The following DMTN variants were observed in gnomAD, a reference collection of about 807,000 sequenced individuals.
DMTN encodes dematin actin binding protein.
In DMTN, 27 loss-of-function variants were observed where a neutral mutation model predicts 59.4. That is an observed-to-expected ratio of 0.45 (90% CI 0.33 to 0.63). The LOEUF is 0.63. Among genes scored for constraint, DMTN ranks in the 20% least tolerant of loss-of-function variants. DMTN has a pLI of 0.02. For missense variants in DMTN, 451 were observed against 528.9 expected (o/e 0.85, Z 1.45); for synonymous variants, 221 against 203.7 (o/e 1.08, Z -0.72).
chr8:22,080,491 G>A (rs1211977659), intron 12 of DMTN, 31 bp downstream of exon 12: 1 of 1,614,240 alleles, frequency 6.2e-7, no homozygotes, highest in Non-Finnish European at 8.5e-7. Flanking sequence ...CCGGGGTCTG[G>A]AGAAGGGGCT....
chr8:22,065,286 G>T lies in DMTN; in HGVS notation c.-171-1419G>T, dbSNP rs141125784. Among the ~76,000 whole-genome samples, 4 of 152,236 alleles carry T rather than the reference G, an allele frequency of 2.6e-5. No individual in the cohort carries two copies. The East Asian group carries it at 7.7e-4, about 29-fold the overall frequency. ...TGACCTCAAGCCATCCTCTCTCCTT[G>T]GCCTCCCACATAGCTCTTATTGTTG... On this transcript the variant is annotated intron_variant, in intron 1 of 15. Coordinates refer to ENST00000358242, the MANE Select transcript of DMTN (RefSeq NM_001387751.1).
At position 22,075,516 on chromosome 8, in the gene DMTN, A is replaced by ATTTTTTTT. The variant is rs386412281; in HGVS notation, c.835+1697_835+1704dup. Among the ~76,000 whole-genome samples, 156 of 87,718 alleles carry ATTTTTTTT rather than the reference A, an allele frequency of 1.8e-3. 6 individuals carry two copies. The highest frequency in any genetic ancestry group is 3.6e-3 in the South Asian group (8 of 2,214). The allele number at this position is 87,718 out of a possible 152,430, so 57.5% of individuals were successfully genotyped here. A position where few individuals can be genotyped will look rare whatever the true frequency, so the allele number is the denominator to read the frequency against. ...GGTGCATGCCACCATGCCCAGCTAAATTTTTTTTTTTTTTTTTTTTTTTAG... is the reference window on the plus strand; with the variant it reads ...GGTGCATGCCACCATGCCCAGCTAAATTTTTTTTTTTTTTTTTTTTTTTTTTTTTTTAG... On this transcript the variant is annotated intron_variant, in intron 10 of 15. Coordinates refer to ENST00000358242, the MANE Select transcript of DMTN (RefSeq NM_001387751.1).
chr8:22,079,303 A>ATATATATATATAT (rs67715172), intron 10 of DMTN, among the ~76,000 whole-genome samples: 18 of 52,206 alleles, frequency 3.4e-4, no homozygotes, highest in Admixed American at 1.3e-3. Context: ...TATATATATT[A>ATATATATATATAT]GCTGGGTTTG....
intron 1 of DMTN, among the ~76,000 whole-genome samples, chr8:22,064,615 C>T (rs752016108): frequency 3.3e-5 from 5 of 152,304 alleles, no homozygotes; most frequent in East Asian, 3.9e-4. Context: ...CCCGCCACCA[C>T]GCCTAGCTAA....
chr8:22,070,051 C>T (rs1814086592), intron 7 of DMTN, 114 bp downstream of exon 7: 1 of 1,551,304 alleles, frequency 6.4e-7, no homozygotes, highest in Admixed American at 1.7e-5. Flanking sequence ...CACAGCAGCA[C>T]GTGTGCCCCG....
chr8:22,075,391 C>G (rs1818970426), intron 10 of DMTN, among the ~76,000 whole-genome samples: 1 of 151,296 alleles, frequency 6.6e-6, no homozygotes, highest in African/African-American at 2.4e-5. Flanking sequence ...CTCTGTTGCC[C>G]AGGCTGGAGT....
Position 22,078,798 on chromosome 8 carries a change from G to GTTTTTTTTTTTT in DMTN, c.836-1377_836-1366dup, listed in dbSNP as rs1224977627. On this transcript the variant is annotated intron_variant, in intron 10 of 15. Coordinates refer to ENST00000358242, the MANE Select transcript of DMTN (RefSeq NM_001387751.1). ...TCTTTCTGTAGTATAATGTCAGACT[G>GTTTTTTTTTTTT]TTTTTTTTTTTTTTTTGAGATGGAG... Among the ~76,000 whole-genome samples the GTTTTTTTTTTTT allele has an allele frequency of 4.7e-4, 40 of 85,086 alleles. 3 individuals are homozygous for GTTTTTTTTTTTT. The highest frequency in any genetic ancestry group is 9.5e-4 in the South Asian group (2 of 2,112). 55.8% of individuals were successfully genotyped at this position (85,086 alleles called of 152,430 possible).
In DMTN at chr8:22,058,203, C is replaced by G. The variant is rs948533780; in HGVS notation, c.-172+1067C>G. Among the ~76,000 whole-genome samples, 4 of 152,138 alleles carry G rather than the reference C, an allele frequency of 2.6e-5. No individual in the cohort carries two copies. The highest frequency in any genetic ancestry group is 5.9e-5 in the Non-Finnish European group (4 of 68,024). On this transcript the variant is annotated intron_variant, in intron 1 of 15. Coordinates refer to ENST00000358242, the MANE Select transcript of DMTN (RefSeq NM_001387751.1). This position sits in a 1 kb window ranked among gnomAD's most constrained non-coding sequence, Gnocchi z 4.3. ...CTTCTGCCTGTGCCCACCTGTCCAT[C>G]TTGTGTCCGTGCTGCCGGCCTCTCT...
At chr8:22,062,209 G>A (rs1807061524) in intron 1 of DMTN, among the ~76,000 whole-genome samples, 1 of 151,602 alleles carries the variant, frequency 6.6e-6, no homozygotes, top group African/African-American at 2.4e-5. Flanking sequence ...TCCTGCCTCA[G>A]CCTCCAAGTA....
intron 4 of DMTN, 119 bp from the exon 5 acceptor site, chr8:22,068,897 C>T (rs1270158540): frequency 8.4e-7 from 1 of 1,187,752 alleles, no homozygotes; most frequent in South Asian, 1.2e-5. Flanking sequence ...AGAGGTGGCC[C>T]AGAAGCTGGC....
chr8:22,076,452 A>G (rs1819846919), intron 10 of DMTN, among the ~76,000 whole-genome samples: 1 of 152,026 alleles, frequency 6.6e-6, no homozygotes, highest in Non-Finnish European at 1.5e-5. Context: ...AAAAAATAGA[A>G]AAATTAGTTG....
intron 4 of DMTN, 118 bp downstream of exon 4, chr8:22,067,800 G>T: frequency 8.0e-7 from 1 of 1,251,120 alleles, no homozygotes; most frequent in Non-Finnish European, 1.1e-6. Context: ...AACAAGAGAG[G>T]GAACTGTGCG....
chr8:22,073,055 C>G (rs1816955606), intron 9 of DMTN, among the ~76,000 whole-genome samples: 1 of 152,144 alleles, frequency 6.6e-6, no homozygotes, highest in Non-Finnish European at 1.5e-5. Flanking sequence ...GGGCTACAGG[C>G]CTCCAGGGGA....
At chr8:22,054,292 C>T (rs1264884571), upstream of DMTN, among the ~76,000 whole-genome samples, 3 of 149,564 alleles carry the variant, frequency 2.0e-5, no homozygotes, top group Non-Finnish European at 3.0e-5. Context: ...CATGGAGGGA[C>T]ATTCCGATAG....
chr8:22,069,306 A>T lies in DMTN; in HGVS notation c.295-113A>T, dbSNP rs1028094678. On this transcript the variant is annotated intron_variant, in intron 5 of 15. Transcript: ENST00000358242. The stretch of plus-strand genomic sequence containing the variant: ...TGCCACAACATTGCCCTGGGTTTGG[A>T]GGGATGCAGCCGGCCAGGATGGGAG... 17 of 995,312 alleles carry T rather than the reference A, an allele frequency of 1.7e-5. No individual in the cohort carries two copies. In the Admixed American group the frequency reaches 4.4e-4, roughly 26 times the overall value. The allele number at this position is 995,312 out of a possible 1,614,324, so 61.7% of individuals were successfully genotyped here. A position where few individuals can be genotyped will look rare whatever the true frequency, so the allele number is the denominator to read the frequency against.
At chr8:22,062,546 C>T (rs1209259811) in intron 1 of DMTN, among the ~76,000 whole-genome samples, 1 of 152,162 alleles carries the variant, frequency 6.6e-6, no homozygotes, top group Non-Finnish European at 1.5e-5. Context: ...CGTTCTCTCT[C>T]TGCTGTCTGC....
chr8:22,053,591 C>G (rs529285921), upstream of DMTN: 2 of 152,832 alleles, frequency 1.3e-5, no homozygotes, highest in African/African-American at 2.4e-5. Flanking sequence ...TCGACAGGGC[C>G]TGGGGGAGGG....
intron 1 of DMTN, chr8:22,057,999 C>G (rs978738314): frequency 6.6e-6 from 1 of 152,344 alleles, no homozygotes; most frequent in East Asian, 1.9e-4. Context: ...TTGCTGTACA[C>G]GTGCACTACT....
chr8:22,066,929 G>C (rs1389867390), intron 2 of DMTN, 36 bp downstream of exon 2: 13 of 1,231,130 alleles, frequency 1.1e-5, no homozygotes, highest in Non-Finnish European at 1.3e-5. Context: ...GCCGCCGAGG[G>C]CGGGTGGGGG....
Sources: gnomAD v4.1 joint callset for allele counts (sites outside exome capture counted in the v4.1 genomes callset) on GRCh38, gnomAD v4.1.1 for gene constraint, Gnocchi (gnomAD v3.1) non-coding constraint, MANE v1.5 for transcripts, NCBI Gene and HGNC (gene_info 2026-07-23, HGNC 2026-07-21) for gene names.